NKAIN2: variants seen among roughly 807,000 people sequenced by gnomAD.
NKAIN2 encodes the protein sodium/potassium transporting ATPase interacting 2.
A neutral mutation model predicts 32.6 loss-of-function variants in NKAIN2; 14 were observed. That is an observed-to-expected ratio of 0.43 (90% CI 0.28 to 0.67). NKAIN2 has a LOEUF of 0.67. Ranked by LOEUF, NKAIN2 falls within the 30% of genes least tolerant of loss-of-function variation. The pLI is 0.17. For missense variants in NKAIN2, 198 were observed against 258.3 expected (o/e 0.77, Z 1.60); for synonymous variants, 80 against 87.2 (o/e 0.92, Z 0.46).
intron 1 of NKAIN2, among the ~76,000 whole-genome samples, chr6:124,194,574 T>C (rs1290350656): frequency 6.6e-6 from 1 of 152,178 alleles, no homozygotes; most frequent in Non-Finnish European, 1.5e-5. Flanking sequence ...GCCTACTTTC[T>C]GTCTTCTTTG....
At chr6:124,270,978 G>A (rs1794735136) in intron 1 of NKAIN2, among the ~76,000 whole-genome samples, 1 of 152,208 alleles carries the variant, frequency 6.6e-6, no homozygotes, top group East Asian at 1.9e-4. Flanking sequence ...CATGTGTTAA[G>A]GGAGGGACCT....
At chr6:124,120,351 A>C (rs571493766) in intron 1 of NKAIN2, among the ~76,000 whole-genome samples, 1 of 152,272 alleles carries the variant, frequency 6.6e-6, no homozygotes, top group African/African-American at 2.4e-5. Flanking sequence ...GTATCCACCA[A>C]TTACCTGATA....
At chr6:124,062,227 C>T (rs1298920843) in intron 1 of NKAIN2, among the ~76,000 whole-genome samples, 4 of 151,972 alleles carry the variant, frequency 2.6e-5, no homozygotes, top group African/African-American at 9.7e-5. Context: ...AGATTAAGAA[C>T]ATAATGTTTT....
intron 4 of NKAIN2, among the ~76,000 whole-genome samples, chr6:124,786,805 T>C (rs1779523418): frequency 6.6e-6 from 1 of 152,178 alleles, no homozygotes; most frequent in Non-Finnish European, 1.5e-5. Flanking sequence ...CACAGGTCCC[T>C]TCCATTATTA....
At chr6:124,402,076 C>G (rs188361870) in intron 3 of NKAIN2, among the ~76,000 whole-genome samples, 1 of 152,100 alleles carries the variant, frequency 6.6e-6, no homozygotes, top group Non-Finnish European at 1.5e-5. Context: ...TGTTTGGTTG[C>G]CACAGCTGAG....
At chr6:124,613,102 A>G (rs1332135225) in intron 3 of NKAIN2, among the ~76,000 whole-genome samples, 2 of 152,158 alleles carry the variant, frequency 1.3e-5, no homozygotes, top group Non-Finnish European at 2.9e-5. Context: ...AGTGGAATTA[A>G]TCAGCCTTGG....
intron 1 of NKAIN2, among the ~76,000 whole-genome samples, chr6:124,144,152 A>G (rs1357144979): frequency 6.6e-6 from 1 of 152,228 alleles, no homozygotes; most frequent in Non-Finnish European, 1.5e-5. Context: ...TCTGAAAAGA[A>G]TTTTTATGAA....
intron 1 of NKAIN2, among the ~76,000 whole-genome samples, chr6:124,183,697 T>G (rs2114554285): frequency 6.6e-6 from 1 of 152,300 alleles, no homozygotes; most frequent in South Asian, 2.1e-4. Context: ...CCTAATAAAC[T>G]GAAATGCTGG....
intron 3 of NKAIN2, among the ~76,000 whole-genome samples, chr6:124,523,971 A>C (rs1779217631): frequency 6.6e-6 from 1 of 152,206 alleles, no homozygotes; most frequent in African/African-American, 2.4e-5. Flanking sequence ...AAGTGAGTGA[A>C]TAGAACTCTA....
At chr6:124,521,886 C>T (rs560207459) in intron 3 of NKAIN2, among the ~76,000 whole-genome samples, 84 of 152,128 alleles carry the variant, frequency 5.5e-4, no homozygotes, top group African/African-American at 2.0e-3. Context: ...GTTTATGTCT[C>T]GGTGCATGGA....
chr6:123,922,092 T>C (rs116340617), intron 1 of NKAIN2, among the ~76,000 whole-genome samples: 1,885 of 152,338 alleles, frequency 0.012, 38 homozygotes, highest in African/African-American at 0.044. Flanking sequence ...AAATGTTTCC[T>C]TTTCTAAAAA....
chr6:123,932,434 T>TTTTTTTTTTTTC (rs1481221049), intron 1 of NKAIN2, among the ~76,000 whole-genome samples: 5 of 91,790 alleles, frequency 5.4e-5, no homozygotes, highest in Admixed American at 1.1e-4. Context: ...TTTTTTTTTT[T>TTTTTTTTTTTTC]GAGAAAGAGT....
chr6:124,019,494 T>G (rs532370916), intron 1 of NKAIN2, among the ~76,000 whole-genome samples: 1 of 152,308 alleles, frequency 6.6e-6, no homozygotes, highest in East Asian at 1.9e-4. Context: ...ATCTGGCATT[T>G]AATGTAAATT....
At chr6:124,312,353 C>T (rs11751387) in intron 2 of NKAIN2, among the ~76,000 whole-genome samples, 12,562 of 152,146 alleles carry the variant, frequency 0.083, 668 homozygotes, top group East Asian at 0.18. Context: ...CAGGTTGAGA[C>T]TCAGTCCCAG....
intron 3 of NKAIN2, among the ~76,000 whole-genome samples, chr6:124,610,323 C>CAAA (rs1782645734): frequency 1.3e-5 from 2 of 152,112 alleles, no homozygotes; most frequent in African/African-American, 4.8e-5. Context: ...AACCGTCAGT[C>CAAA]AAAATATGTC....
chr6:124,751,255 T>G (rs1777704753), intron 4 of NKAIN2, among the ~76,000 whole-genome samples: 1 of 152,030 alleles, frequency 6.6e-6, no homozygotes, highest in Non-Finnish European at 1.5e-5. Context: ...GGTCTCTGGG[T>G]CCTTAAGAAA....
chr6:124,386,771 G>A (rs1247714026), intron 3 of NKAIN2, among the ~76,000 whole-genome samples: 1 of 152,138 alleles, frequency 6.6e-6, no homozygotes, highest in Non-Finnish European at 1.5e-5. Flanking sequence ...TGGATGGTCT[G>A]CTGCTGCAGG....
chr6:124,370,624 C>G (rs555779163), intron 3 of NKAIN2, among the ~76,000 whole-genome samples: 1 of 152,132 alleles, frequency 6.6e-6, no homozygotes, highest in African/African-American at 2.4e-5. Context: ...CATTTTGTAG[C>G]AAAATAGCAA....
At chr6:124,409,620 A>T in intron 3 of NKAIN2, among the ~76,000 whole-genome samples, 1 of 152,276 alleles carries the variant, frequency 6.6e-6, no homozygotes, top group South Asian at 2.1e-4. Flanking sequence ...GGATTTTTGC[A>T]TCAATGTTCA....
Sources: gnomAD v4.1 joint callset for allele counts (sites outside exome capture counted in the v4.1 genomes callset) on GRCh38, gnomAD v4.1.1 for gene constraint, MANE v1.5 for transcripts, NCBI Gene and HGNC (gene_info 2026-07-23, HGNC 2026-07-21) for gene names.